The following KIAA1328 variants were observed in gnomAD, a reference collection of about 807,000 sequenced individuals.
KIAA1328 encodes protein hinderin.
In KIAA1328, 52 loss-of-function variants were observed where a neutral mutation model predicts 68.1. The ratio of observed to expected loss-of-function variants is 0.76; its 90% CI spans 0.61 to 0.96. KIAA1328 has a LOEUF of 0.96. Ranked by LOEUF, KIAA1328 falls within the 40% of genes least tolerant of loss-of-function variation. The probability of loss-of-function intolerance (pLI) is 0.00; values close to 1 mark genes in which losing one functional copy is unlikely to be tolerated. For synonymous variants in KIAA1328, 232 were observed against 239.4 expected (o/e 0.97, Z 0.28); for missense variants, 641 against 677.6 (o/e 0.95, Z 0.60).
At chr18:37,004,920 A>G (rs2053722713) in intron 6 of KIAA1328, among the ~76,000 whole-genome samples, 1 of 152,162 alleles carries the variant, frequency 6.6e-6, no homozygotes, top group Admixed American at 6.6e-5. Context: ...ACTCAGCCAT[A>G]AAAAGGAACA....
chr18:37,004,783 A>G (rs1442006484), intron 6 of KIAA1328, among the ~76,000 whole-genome samples: 1 of 152,148 alleles, frequency 6.6e-6, no homozygotes, highest in East Asian at 1.9e-4. Flanking sequence ...TCATTATACA[A>G]AAAAGATACT....
chr18:36,901,961 T>C (rs2049053468), intron 5 of KIAA1328: 1 of 152,018 alleles, frequency 6.6e-6, no homozygotes, highest in African/African-American at 2.4e-5. Context: ...TTCATAGCTG[T>C]TTATTTTTAT....
chr18:37,168,763 A>G (rs2059438658), intron 8 of KIAA1328, among the ~76,000 whole-genome samples: 1 of 152,198 alleles, frequency 6.6e-6, no homozygotes, highest in Non-Finnish European at 1.5e-5. Context: ...GGGGATGGAT[A>G]TTGGTATTGT....
At chr18:37,207,842 G>T (rs996317021) in intron 9 of KIAA1328, among the ~76,000 whole-genome samples, 1 of 152,048 alleles carries the variant, frequency 6.6e-6, no homozygotes, top group Non-Finnish European at 1.5e-5. Flanking sequence ...ATGGAGTTTC[G>T]CTCATTGCCC....
chr18:36,907,341 G>C (rs913299438), intron 5 of KIAA1328, among the ~76,000 whole-genome samples: 1 of 152,022 alleles, frequency 6.6e-6, no homozygotes, highest in Non-Finnish European at 1.5e-5. Context: ...AAAAGCTGTG[G>C]TAAAGGGCAT....
intron 7 of KIAA1328, among the ~76,000 whole-genome samples, chr18:37,095,735 G>A (rs2057385696): frequency 7.3e-6 from 1 of 137,252 alleles, no homozygotes; most frequent in Admixed American, 6.8e-5. Context: ...GAAAGATGAA[G>A]TTGATAAACC....
At chr18:37,010,478 T>TAA (rs2053942299) in intron 6 of KIAA1328, among the ~76,000 whole-genome samples, 1 of 136,504 alleles carries the variant, frequency 7.3e-6, no homozygotes, top group Admixed American at 7.3e-5. Flanking sequence ...AAAGATATCC[T>TAA]AAAAGGAATT....
chr18:36,840,239 T>C (rs1440143516), intron 3 of KIAA1328, among the ~76,000 whole-genome samples: 2 of 152,172 alleles, frequency 1.3e-5, no homozygotes, highest in Non-Finnish European at 2.9e-5. Flanking sequence ...TGTTGCCTGC[T>C]ATCCAATGAA....
intron 4 of KIAA1328, among the ~76,000 whole-genome samples, chr18:36,881,118 G>A (rs1268867258): frequency 6.7e-6 from 1 of 148,702 alleles, no homozygotes; most frequent in Non-Finnish European, 1.5e-5. Context: ...TAACCAGTAA[G>A]TATTAGAAAG....
At position 37,018,067 on chromosome 18, in the gene KIAA1328, T is replaced by C. The variant is rs2054213614; in HGVS notation, c.577-48823T>C. The stretch of plus-strand genomic sequence containing the variant: ...TTGGTTTATAGTCTCGTGGGTTATG[T>C]ACTTAGGTGTGTTTTTGTGGTCACA... On this transcript the variant is annotated intron_variant, in intron 6 of 9. Coordinates refer to ENST00000280020, the MANE Select transcript of KIAA1328 (RefSeq NM_020776.3). Among the ~76,000 whole-genome samples, 2 of 152,202 alleles carry C rather than the reference T, an allele frequency of 1.3e-5. 1 individual carries two copies. Among genetic ancestry groups the C allele is most frequent in the South Asian group, 4.1e-4 (2 of 4,832 alleles).
At chr18:37,121,845 TGAA>T (rs1327140919) in intron 7 of KIAA1328, among the ~76,000 whole-genome samples, 7 of 152,020 alleles carry the variant, frequency 4.6e-5, no homozygotes, top group African/African-American at 1.7e-4. Context: ...AATGCATGAA[TGAA>T]GGAGGTGTTT....
chr18:36,908,519 T>C (rs1388951588), intron 5 of KIAA1328, among the ~76,000 whole-genome samples: 1 of 152,052 alleles, frequency 6.6e-6, no homozygotes, highest in African/African-American at 2.4e-5. Flanking sequence ...TAAATTTTTG[T>C]GTGTGTGGAA....
intron 5 of KIAA1328, among the ~76,000 whole-genome samples, chr18:36,940,943 G>C (rs2151184650): frequency 6.6e-6 from 1 of 152,100 alleles, no homozygotes; most frequent in East Asian, 1.9e-4. Context: ...CAAAGTGCTG[G>C]AATTATAGGC....
rs544449054 is a variant in KIAA1328 at position 37,117,555 on chromosome 18, AT to A, written c.1233-42644del. 3.3e-5 allele frequency among the ~76,000 whole-genome samples: 5 copies of A among 152,304 alleles called. No homozygotes were observed. In the South Asian group the frequency reaches 1.0e-3, roughly 32 times the overall value. On this transcript the variant is annotated intron_variant, in intron 7 of 9. Transcript: ENST00000280020. ...TATAACTAATGTAAATGATGAGTTAATGGGTGCAACACACCAACATGGCACA... is the reference window on the plus strand; with the variant it reads ...TATAACTAATGTAAATGATGAGTTAAGGGTGCAACACACCAACATGGCACA...
chr18:36,984,904 C>CAA (rs56357519), intron 6 of KIAA1328, among the ~76,000 whole-genome samples: 31 of 80,682 alleles, frequency 3.8e-4, no homozygotes, highest in African/African-American at 4.9e-4. Flanking sequence ...GACTCCATCT[C>CAA]AAAAAAAAAA....
intron 5 of KIAA1328, among the ~76,000 whole-genome samples, chr18:36,949,691 T>G (rs1013085386): frequency 1.4e-5 from 2 of 141,402 alleles, no homozygotes; most frequent in African/African-American, 5.3e-5. Context: ...AATACTCTAA[T>G]TAGCTATCTT....
chr18:37,031,846 T>C (rs909651837), intron 6 of KIAA1328, among the ~76,000 whole-genome samples: 1 of 152,216 alleles, frequency 6.6e-6, no homozygotes, highest in African/African-American at 2.4e-5. Context: ...TAGTGGTTTT[T>C]CCAGGTTTGC....
intron 5 of KIAA1328, among the ~76,000 whole-genome samples, chr18:36,932,217 G>GATTTTATTTT (rs1163983968): frequency 6.6e-6 from 1 of 152,100 alleles, no homozygotes; most frequent in East Asian, 1.9e-4. Flanking sequence ...AAAAGTTTGA[G>GATTTTATTTT]ATTTTATTTT....
At chr18:36,847,569 G>C (rs1226742158) in intron 4 of KIAA1328, among the ~76,000 whole-genome samples, 1 of 151,472 alleles carries the variant, frequency 6.6e-6, no homozygotes, top group African/African-American at 2.4e-5. Flanking sequence ...TGAAGTGTCT[G>C]TCAAATCTTT....
Sources: allele counts gnomAD v4.1 joint callset (sites outside exome capture counted in the v4.1 genomes callset), GRCh38; gene constraint gnomAD v4.1.1; transcripts MANE v1.5; gene names NCBI Gene and HGNC (gene_info 2026-07-23, HGNC 2026-07-21).